The following PKHD1L1 variants were observed in gnomAD, a reference collection of about 807,000 sequenced individuals.
PKHD1L1 encodes PKHD1 like 1.
In PKHD1L1, 434 loss-of-function variants were observed where a neutral mutation model predicts 462.9. That is an observed-to-expected ratio of 0.94 (90% confidence interval 0.87 to 1.02). The LOEUF (loss-of-function observed/expected upper bound fraction) is 1.02, where lower values mean the gene tolerates loss of function less well. Among genes scored for constraint, PKHD1L1 ranks in the 50% least tolerant of loss-of-function variants. The pLI is 0.00. For synonymous variants in PKHD1L1, 1,781 were observed against 1,750.0 expected (o/e 1.02, Z -0.44); for missense variants, 5,202 against 5,096.1 (o/e 1.02, Z -0.63).
At chr8:109,412,489 C>A in intron 20 of PKHD1L1, 75 bp downstream of exon 20, 3 of 1,400,068 alleles carry the variant, frequency 2.1e-6, no homozygotes, top group Non-Finnish European at 1.9e-6. Flanking sequence ...AATTTTAAGA[C>A]AAGAAAAAAT....
chr8:109,440,250 C>T (rs966205524), intron 32 of PKHD1L1, among the ~76,000 whole-genome samples: 2 of 151,998 alleles, frequency 1.3e-5, no homozygotes, highest in Non-Finnish European at 2.9e-5. Flanking sequence ...GGAAGGGAGA[C>T]CCTGACAAGT....
chr8:109,417,346 A>T (rs1814231966), intron 21 of PKHD1L1, among the ~76,000 whole-genome samples: 1 of 152,180 alleles, frequency 6.6e-6, no homozygotes, highest in South Asian at 2.1e-4. Flanking sequence ...TCCACAAAAA[A>T]AAACTAAAAA....
chr8:109,451,245 C>T (rs2130784962), intron 41 of PKHD1L1, 96 bp downstream of exon 41: 1 of 1,292,248 alleles, frequency 7.7e-7, no homozygotes, highest in Non-Finnish European at 1.0e-6. Context: ...GAAATACAGT[C>T]ATGCAATGTG....
At chr8:109,413,699 A>G (rs1208895413) in intron 21 of PKHD1L1, among the ~76,000 whole-genome samples, 154 bp downstream of exon 21, 3 of 152,094 alleles carry the variant, frequency 2.0e-5, no homozygotes, top group East Asian at 1.9e-4. Flanking sequence ...CAGTTTTCCT[A>G]TCTTACACAT....
At chr8:109,410,121 G>A (rs12546429) in intron 19 of PKHD1L1, 143 bp downstream of exon 19, 160,183 of 513,792 alleles carry the variant, frequency 0.31, 26,721 homozygotes, top group East Asian at 0.45. Context: ...TTATACATTT[G>A]TTGTAAGGGC....
chr8:109,381,459 A>G lies in PKHD1L1; in HGVS notation c.253A>G (p.Thr85Ala). 4.4e-6 allele frequency: 7 copies of G among 1,584,378 alleles called. No individual in the cohort carries two copies. The highest frequency in any genetic ancestry group is 6.0e-6 in the Non-Finnish European group (7 of 1,162,838). ...VQLISSFQSITCDVEKDASHS... is the reference protein window; with the variant it reads ...VQLISSFQSIACDVEKDASHS... ...ATTAATTTCTTCTTTCCAGTCAATT[A>G]CTTGTGATGTAGAAAAAGATGCAAG... Residue 85 changes from threonine (T) to alanine (A), a missense_variant, in exon 3 of 78, where the codon ACT (threonine) becomes GCT (alanine). Physicochemically the swap from Thr to Ala is moderately conservative, Grantham distance 58. Coordinates refer to ENST00000378402, the MANE Select transcript of PKHD1L1 (RefSeq NM_177531.6).
chr8:109,522,111 A>G lies in PKHD1L1; in HGVS notation c.12032-75A>G. On this transcript the variant is annotated intron_variant, in intron 73 of 77. Coordinates refer to ENST00000378402, the MANE Select transcript of PKHD1L1 (RefSeq NM_177531.6). ...GTGATGGAGCAATGCAAAGAATGCTAAAGTGAAAAACTCTCATGTGTTCTC... is the reference window on the plus strand; with the variant it reads ...GTGATGGAGCAATGCAAAGAATGCTGAAGTGAAAAACTCTCATGTGTTCTC... 6 of 1,390,268 alleles carry G rather than the reference A, an allele frequency of 4.3e-6. No homozygotes were observed. The Admixed American group carries it at 7.5e-5, about 17-fold the overall frequency. 86.1% of individuals were successfully genotyped at this position (1,390,268 alleles called of 1,614,324 possible). A position where few individuals can be genotyped will look rare whatever the true frequency, so the allele number is the denominator to read the frequency against.
intron 12 of PKHD1L1, 134 bp downstream of exon 12, chr8:109,398,682 A>T (rs1207834371): frequency 3.2e-5 from 13 of 407,504 alleles, no homozygotes; most frequent in Non-Finnish European, 5.5e-5. Context: ...AAGTTTTAAA[A>T]TTTACATTTT....
chr8:109,375,533 G>A lies in PKHD1L1; in HGVS notation c.164-5837G>A, dbSNP rs190240234. On this transcript the variant is annotated intron_variant, in intron 2 of 77. Transcript: ENST00000378402. ...GTCATTCTCTGTCCAGCTTTGTTCC[G>A]TTGCTGGTGAGGAGCTGTGTTCCTT... Among the ~76,000 whole-genome samples, 1,000 of 152,206 alleles carry A rather than the reference G, an allele frequency of 6.6e-3. 7 individuals are homozygous for A. Among genetic ancestry groups the A allele is most frequent in the Middle Eastern group, 0.058 (17 of 294 alleles).
In PKHD1L1 at chr8:109,497,250, C is replaced by T; in HGVS notation, c.10577C>T (p.Ser3526Phe). The T allele has an allele frequency of 6.2e-7, 1 of 1,613,148 alleles. No individual in the cohort carries two copies. The highest frequency in any genetic ancestry group is 1.7e-4 in the Middle Eastern group (1 of 6,058). The change falls in exon 65 of 78, where the codon TCC becomes TTC. Residue 3526 changes from serine (S) to phenylalanine (F), a missense_variant. This residue lies in a region of PKHD1L1 where 4,497 missense variants were observed against 4,336.8 expected (regional missense o/e 1.04). Transcript: ENST00000378402. ...CCAGCTGCTATATCACACAAAATTT[C>T]CAGTAAAAATGTACAAATTAAGGTA... ...YMPAAISHKISSKNVQIKSSL... is the reference protein window; with the variant it reads ...YMPAAISHKIFSKNVQIKSSL...
intron 4 of PKHD1L1, among the ~76,000 whole-genome samples, chr8:109,383,064 TTATATTTTATATATAAATAGTTATTA>T (rs1168850808): frequency 7.8e-6 from 1 of 127,560 alleles, no homozygotes; most frequent in Non-Finnish European, 1.6e-5. Flanking sequence ...ATATAAATAA[TTATATTTTATATATAAATAGTTATTA>T]TATATAATAT....
rs1816063765 is a variant in PKHD1L1 at position 109,445,234 on chromosome 8, A to G, written c.5365A>G (p.Arg1789Gly). ...TGTTTTCATTGGAAATCAACAGTTC[A>G]GAGCAATAGAGGTTAATGAAAACAA... The part of the protein sequence containing the change: ...IAVFIGNQQF[R>G]AIEVNENNIT... The change falls in exon 38 of 78, where the codon AGA becomes GGA. Residue 1789 changes from arginine to glycine, a missense_variant. Physicochemically the swap from Arg to Gly is moderately radical, Grantham distance 125 (BLOSUM62 -2). This residue lies in a region of PKHD1L1 where 4,497 missense variants were observed against 4,336.8 expected (regional missense o/e 1.04). Transcript: ENST00000378402. The G allele has an allele frequency of 1.2e-6, 2 of 1,613,912 alleles. No individual in the cohort carries two copies. The highest frequency in any genetic ancestry group is 1.7e-6 in the Non-Finnish European group (2 of 1,179,892).
chr8:109,489,766 A>T (rs2130915526), intron 59 of PKHD1L1, among the ~76,000 whole-genome samples, 186 bp from the exon 60 acceptor site: 1 of 152,064 alleles, frequency 6.6e-6, no homozygotes, highest in South Asian at 2.1e-4. Context: ...AGGAAAAAAA[A>T]TGTTGAAAAA....
At chr8:109,435,710 A>G (rs1350384776) in intron 29 of PKHD1L1, among the ~76,000 whole-genome samples, 1 of 152,208 alleles carries the variant, frequency 6.6e-6, no homozygotes, top group Admixed American at 6.5e-5. Flanking sequence ...TTCTTGACCC[A>G]GACAAAGTTC....
At chr8:109,441,215 C>CA (rs914430650) in intron 33 of PKHD1L1, 60 bp from the exon 34 acceptor site, 2,599 of 1,147,506 alleles carry the variant, frequency 2.3e-3, no homozygotes, top group South Asian at 3.3e-3. Flanking sequence ...CTATAATTCA[C>CA]AAAAAAAAAT....
chr8:109,362,800 A>T (rs1811046941), intron 1 of PKHD1L1, 147 bp downstream of exon 1: 7 of 792,846 alleles, frequency 8.8e-6, no homozygotes, highest in Non-Finnish European at 1.5e-5. Flanking sequence ...GGACCAGGGG[A>T]GCTGGATAGC....
At chr8:109,509,622 T>C (rs913636460) in intron 70 of PKHD1L1, among the ~76,000 whole-genome samples, 5 of 151,614 alleles carry the variant, frequency 3.3e-5, no homozygotes, top group African/African-American at 1.2e-4. Flanking sequence ...CTTTTGAATA[T>C]TAATATTAAA....
chr8:109,394,388 G>T, intron 9 of PKHD1L1, 27 bp from the exon 10 acceptor site: 2 of 1,380,462 alleles, frequency 1.4e-6, no homozygotes, highest in South Asian at 1.4e-5. Context: ...ATCATTTAAA[G>T]CAGAAAATTT....
At chr8:109,467,778 C>T (rs1363123854) in intron 50 of PKHD1L1, among the ~76,000 whole-genome samples, 4 of 152,170 alleles carry the variant, frequency 2.6e-5, no homozygotes, top group African/African-American at 9.6e-5. Context: ...ATTTGCTAAA[C>T]AAAATCTTTA....
Sources: gnomAD v4.1 joint callset for allele counts (sites outside exome capture counted in the v4.1 genomes callset) on GRCh38, gnomAD v4.1.1 for gene constraint, gnomAD v4.1.1 regional missense constraint, MANE v1.5 for transcripts, NCBI Gene and HGNC (gene_info 2026-07-23, HGNC 2026-07-21) for gene names.